RPS6KA2: variants seen among roughly 807,000 people sequenced by gnomAD.
The protein encoded by RPS6KA2 is ribosomal protein S6 kinase alpha-2.
RPS6KA2 carries 42 observed loss-of-function variants against 91.8 expected under a neutral mutation model. The ratio of observed to expected loss-of-function variants is 0.46; its 90% CI spans 0.36 to 0.59. RPS6KA2 has a LOEUF of 0.59. Ranked by LOEUF, RPS6KA2 falls within the 20% of genes least tolerant of loss-of-function variation. The pLI is 0.00. For synonymous variants in RPS6KA2, 414 were observed against 393.6 expected (o/e 1.05, Z -0.61); for missense variants, 798 against 978.5 (o/e 0.82, Z 2.46).
At chr6:166,668,816 CTCCATCCCTCCCTCCCTCCCTCCTCCA>C (rs1788390422) in intron 2 of RPS6KA2, among the ~76,000 whole-genome samples, 1 of 149,974 alleles carries the variant, frequency 6.7e-6, no homozygotes, top group African/African-American at 2.5e-5. Context: ...CTTTCCTTCC[CTCCATCCCTCCCTCCCTCCCTCCTCCA>C]TCCCTCCCTC....
rs752222086 is a variant in RPS6KA2 at position 166,498,532 on chromosome 6, G to A, written c.723C>T (p.Asp241=). The change falls in exon 8 of 21, where the codon GAC becomes GAT. Residue 241 remains aspartate, a synonymous_variant. Coordinates refer to ENST00000265678, the MANE Select transcript of RPS6KA2 (RefSeq NM_021135.6). ...VNRRGHTQSA[D]WWSFGVLMFE... is the part of the protein sequence containing the mutation. ...CCATGAGCACGCCGAAGGACCACCA[G>A]TCGGCACTCTGCGTGTGTCCTCGCC... is the stretch of plus-strand genomic sequence containing the variant. 6.2e-6 allele frequency: 10 copies of A among 1,612,690 alleles called. No homozygotes were observed. The highest frequency in any genetic ancestry group is 8.5e-6 in the Non-Finnish European group (10 of 1,179,734).
chr6:166,789,830 C>G (rs945945151), intron 2 of RPS6KA2, among the ~76,000 whole-genome samples: 4 of 152,334 alleles, frequency 2.6e-5, no homozygotes, highest in Non-Finnish European at 2.9e-5. Context: ...AACTAACAAA[C>G]AGAAAGGACA....
chr6:166,518,283 A>G (rs2157486), intron 3 of RPS6KA2, among the ~76,000 whole-genome samples: 6,407 of 150,598 alleles, frequency 0.043, 452 homozygotes, highest in African/African-American at 0.15. Context: ...GCAATAACAA[A>G]TTATAATAAA....
intron 2 of RPS6KA2, among the ~76,000 whole-genome samples, chr6:166,740,398 C>T (rs1562410497): frequency 6.6e-6 from 1 of 152,162 alleles, no homozygotes; most frequent in Non-Finnish European, 1.5e-5. Context: ...AAAACAGACT[C>T]CTCAAAGATC....
chr6:166,680,518 C>G (rs1015818385), intron 2 of RPS6KA2, among the ~76,000 whole-genome samples: 1 of 152,090 alleles, frequency 6.6e-6, no homozygotes, highest in Admixed American at 6.5e-5. Flanking sequence ...CTTTTTGGGT[C>G]TGTGCCGCTT....
chr6:166,456,797 T>G (rs1362823801), intron 12 of RPS6KA2, among the ~76,000 whole-genome samples: 1 of 152,228 alleles, frequency 6.6e-6, no homozygotes, highest in East Asian at 1.9e-4. Context: ...ACTACCTACC[T>G]CAAAGGCAAA....
At chr6:166,608,015 GAA>G (rs35201506) in intron 1 of RPS6KA2, among the ~76,000 whole-genome samples, 2,259 of 128,204 alleles carry the variant, frequency 0.018, 54 homozygotes, top group South Asian at 0.12. Context: ...GTCTCAGAAA[GAA>G]AAAAAAAAAA....
chr6:166,657,090 G>C (rs1456825338), intron 2 of RPS6KA2, among the ~76,000 whole-genome samples: 1 of 152,126 alleles, frequency 6.6e-6, no homozygotes, highest in Non-Finnish European at 1.5e-5. Context: ...AGACGGTGGG[G>C]AGCAGGGCTG....
intron 3 of RPS6KA2, among the ~76,000 whole-genome samples, chr6:166,526,888 C>T (rs1406352186): frequency 6.6e-6 from 1 of 152,242 alleles, no homozygotes; most frequent in Non-Finnish European, 1.5e-5. Context: ...CACACAAATA[C>T]ACACACCTCA....
intron 2 of RPS6KA2, among the ~76,000 whole-genome samples, chr6:166,641,443 G>A (rs1304796236): frequency 2.0e-5 from 3 of 151,774 alleles, no homozygotes; most frequent in African/African-American, 7.3e-5. Context: ...CAATAGATTG[G>A]CCAGGTGTGG....
chr6:166,454,442 G>A (rs1255170714), intron 12 of RPS6KA2, among the ~76,000 whole-genome samples: 1 of 152,178 alleles, frequency 6.6e-6, no homozygotes, highest in Non-Finnish European at 1.5e-5. Context: ...AGGTTGCAGT[G>A]AGCCAAGATC....
In RPS6KA2 at chr6:166,846,199, A is replaced by G. The variant is rs188899296; in HGVS notation, c.123+12001T>C. Among the ~76,000 whole-genome samples the G allele has an allele frequency of 3.2e-3, 473 of 147,184 alleles. 1 individual carries two copies. The highest frequency in any genetic ancestry group is 0.011 in the African/African-American group (454 of 40,422). The stretch of plus-strand genomic sequence containing the variant: ...CTGAACAGACCAATAACAAGCAGCA[A>G]GATTGAAGTGGTAATTTTTAAATTG... On this transcript the variant is annotated intron_variant, in intron 2 of 21. Coordinates refer to the RPS6KA2 transcript ENST00000503859.
upstream of RPS6KA2, chr6:166,627,255 A>C (rs1023735489): frequency 3.3e-5 from 33 of 1,011,086 alleles, no homozygotes; most frequent in Admixed American, 1.8e-4. Context: ...TGCGAGTACC[A>C]GCGCCGGCCA....
rs771964183 is a variant in RPS6KA2 at position 166,469,918 on chromosome 6, C to A, written c.908-13G>T. 1.6e-5 allele frequency: 25 copies of A among 1,610,834 alleles called. No homozygotes were observed. The highest frequency in any genetic ancestry group is 2.7e-5 in the African/African-American group (2 of 75,000). ...TCAATGCCAGCACCTGTCAACAACA[C>A]AGAAATGATCATCAGAACAAATCCA... On this transcript the variant is annotated splice_polypyrimidine_tract_variant and intron_variant, in intron 10 of 20. Transcript: ENST00000265678.
In RPS6KA2 at chr6:166,580,801, C is replaced by T. The variant is rs570036860; in HGVS notation, c.100-42017G>A. 2.2e-4 allele frequency among the ~76,000 whole-genome samples: 34 copies of T among 152,036 alleles called. 1 individual carries two copies. In the South Asian group the frequency reaches 5.4e-3, roughly 24 times the overall value. On this transcript the variant is annotated intron_variant, in intron 1 of 20. Transcript: ENST00000265678. The stretch of plus-strand genomic sequence containing the variant: ...GGACTGGATTTTCATGCGTAGGGGG[C>T]GGAGGAAAGGGAGGACATTAAATCT...
chr6:166,723,610 A>G (rs867602008), intron 2 of RPS6KA2, among the ~76,000 whole-genome samples: 32 of 152,308 alleles, frequency 2.1e-4, no homozygotes, highest in Middle Eastern at 6.8e-3. Context: ...GTGCACTGTG[A>G]TTAGAAAATA....
intron 2 of RPS6KA2, among the ~76,000 whole-genome samples, chr6:166,802,818 T>A (rs974644361): frequency 2.0e-5 from 3 of 152,150 alleles, no homozygotes; most frequent in Non-Finnish European, 4.4e-5. Flanking sequence ...CAAGCCATCT[T>A]ACTAATAAAG....
At chr6:166,483,795 G>A (rs1213221514) in intron 10 of RPS6KA2, among the ~76,000 whole-genome samples, 2 of 152,206 alleles carry the variant, frequency 1.3e-5, no homozygotes, top group African/African-American at 2.4e-5. Flanking sequence ...ATAGGGTCCC[G>A]GGACAAGCCC....
At chr6:166,611,045 C>T (rs190007790) in intron 1 of RPS6KA2, among the ~76,000 whole-genome samples, 14 of 152,228 alleles carry the variant, frequency 9.2e-5, no homozygotes, top group African/African-American at 3.1e-4. Flanking sequence ...AGAATGATTG[C>T]AGACAGATAA....
Sources: gnomAD v4.1 joint callset for allele counts (sites outside exome capture counted in the v4.1 genomes callset) on GRCh38, gnomAD v4.1.1 for gene constraint, MANE v1.5 for transcripts, NCBI Gene and HGNC (gene_info 2026-07-23, HGNC 2026-07-21) for gene names.